GATD1: variants seen among roughly 807,000 people sequenced by gnomAD.
GATD1 encodes glutamine amidotransferase-like class 1 domain-containing protein 1.
In GATD1, 23 loss-of-function variants were observed where a neutral mutation model predicts 25.9. The observed-to-expected ratio is 0.89, with a 90% CI of 0.64 to 1.26. The LOEUF (loss-of-function observed/expected upper bound fraction) is 1.26. GATD1 is among the 50% of genes most tolerant of loss of function. The probability of loss-of-function intolerance (pLI) is 0.00; values close to 1 mark genes in which losing one functional copy is unlikely to be tolerated. For missense variants in GATD1, 347 were observed against 312.5 expected, an observed-to-expected ratio of 1.11 and a Z score of -0.83; for synonymous variants, 177 against 134.6, an observed-to-expected ratio of 1.31 and a Z score of -2.18.
At position 771,047 on chromosome 11, in the gene GATD1, T is replaced by G. The variant is rs1366233176; in HGVS notation, c.602A>C (p.Asn201Thr). The G allele has an allele frequency of 6.2e-7, 1 of 1,612,564 alleles. No individual in the cohort carries two copies. The highest frequency in any genetic ancestry group is 2.2e-5 in the East Asian group (1 of 44,876). Residue 201 changes from asparagine to threonine, a missense_variant, in exon 7 of 8, where the codon AAT (asparagine) becomes ACT (threonine). Asn to Thr is a moderately conservative substitution (Grantham distance 65). Coordinates refer to ENST00000319863, the MANE Select transcript of GATD1 (RefSeq NM_182612.4). ...CACGGCCGGGACAGTGGAGCTGGCA[T>G]TCTGGCCTGTGACCAGGTGGCGGTC... is the stretch of plus-strand genomic sequence containing the variant. ...VLDRHLVTGQ[N>T]ASSTVPAVQN...
chr11:769,273 C>T lies in GATD1; in HGVS notation c.*1624G>A, dbSNP rs1863232030. 2 of 985,286 alleles carry T rather than the reference C, an allele frequency of 2.0e-6. No individual in the cohort carries two copies. Among genetic ancestry groups the T allele is most frequent in the Non-Finnish European group, 2.4e-6 (2 of 829,954 alleles). 61.0% of individuals were successfully genotyped at this position (985,286 alleles called of 1,614,324 possible). On this transcript the variant is annotated 3_prime_UTR_variant, in exon 8 of 8. Coordinates refer to ENST00000319863, the MANE Select transcript of GATD1 (RefSeq NM_182612.4). ...TCAGGGCGGGGATGTGGCTGCAGCG[C>T]TTCCTTCTTCCACTTTTTTCCAAAT...
chr11:769,328 T>G lies in GATD1; in HGVS notation c.*1569A>C, dbSNP rs1863236431. ...CTTATTGAACGGCTTTATTTTATTA[T>G]TTTTTATTTTTGAGACGGAGTTTCA... On this transcript the variant is annotated 3_prime_UTR_variant, in exon 8 of 8. Coordinates refer to ENST00000319863, the MANE Select transcript of GATD1 (RefSeq NM_182612.4). 16 of 979,240 alleles carry G rather than the reference T, an allele frequency of 1.6e-5. No homozygotes were observed. Among genetic ancestry groups the G allele is most frequent in the Non-Finnish European group, 1.9e-5 (16 of 826,154 alleles). The allele number at this position is 979,240 out of a possible 1,614,324, so 60.7% of individuals were successfully genotyped here. A position where few individuals can be genotyped will look rare whatever the true frequency, so the allele number is the denominator to read the frequency against.
At chr11:775,929 A>AT (rs1195028512) in intron 1 of GATD1, among the ~76,000 whole-genome samples, 1 of 123,562 alleles carries the variant, frequency 8.1e-6, no homozygotes, top group Non-Finnish European at 1.7e-5. Context: ...CTCTACATTT[A>AT]TTTTAACTCT....
intron 4 of GATD1, 133 bp downstream of exon 4, chr11:773,389 A>T: frequency 1.4e-6 from 1 of 730,220 alleles, no homozygotes; most frequent in Non-Finnish European, 2.3e-6. Flanking sequence ...GCCCACAACC[A>T]CTGCAGTGGC....
intron 1 of GATD1, 24 bp downstream of exon 1, chr11:777,375 C>T: frequency 1.5e-6 from 2 of 1,292,194 alleles, no homozygotes; most frequent in Admixed American, 3.6e-5. Context: ...TCTTCGGACA[C>T]TGGCCCCGGC....
intron 4 of GATD1, 33 bp from the exon 5 acceptor site, chr11:772,554 C>A: frequency 6.3e-7 from 1 of 1,588,140 alleles, no homozygotes; most frequent in East Asian, 2.2e-5. Flanking sequence ...AGGCCCTGGA[C>A]CCCGCCACCC....
chr11:767,228 T>C lies in GATD1; in HGVS notation c.*3669A>G, dbSNP rs928973189. On this transcript the variant is annotated 3_prime_UTR_variant, in exon 8 of 8. Coordinates refer to ENST00000319863, the MANE Select transcript of GATD1 (RefSeq NM_182612.4). The stretch of plus-strand genomic sequence containing the variant: ...TGCGAACACCAGGACACCATTTGCA[T>C]GCTGCTGCATGGTTTTATTCCTCAT... 1.3e-6 allele frequency: 2 copies of C among 1,534,714 alleles called. No homozygotes were observed. The highest frequency in any genetic ancestry group is 2.0e-5 in the Admixed American group (1 of 50,750).
At chr11:777,069 C>T (rs1864062699) in intron 1 of GATD1, 1 of 211,888 alleles carries the variant, frequency 4.7e-6, no homozygotes, top group East Asian at 1.0e-4. Context: ...AGGCACGCGG[C>T]TCCCTCCGCT....
intron 3 of GATD1, 149 bp downstream of exon 3, chr11:773,859 C>A: frequency 1.4e-6 from 1 of 734,268 alleles, no homozygotes; most frequent in Non-Finnish European, 2.2e-6. Context: ...ACTCTGGGGC[C>A]CAGGATGTGG....
Position 769,285 on chromosome 11 carries a change from A to C in GATD1, c.*1612T>G, listed in dbSNP as rs1402755326. The C allele has an allele frequency of 1.0e-6, 1 of 985,176 alleles. No individual in the cohort carries two copies. The highest frequency in any genetic ancestry group is 1.2e-6 in the Non-Finnish European group (1 of 829,876). 61.0% of individuals were successfully genotyped at this position (985,176 alleles called of 1,614,324 possible). A position where few individuals can be genotyped will look rare whatever the true frequency, so the allele number is the denominator to read the frequency against. ...TGTGGCTGCAGCGCTTCCTTCTTCC[A>C]CTTTTTTCCAAATTCTCCTTATTGA... On this transcript the variant is annotated 3_prime_UTR_variant, in exon 8 of 8. Coordinates refer to ENST00000319863, the MANE Select transcript of GATD1 (RefSeq NM_182612.4).
chr11:767,657 C>T lies in GATD1; in HGVS notation c.*3240G>A, dbSNP rs986716633. ...CCCCCCAAAACCCACCTGCTTAAGT[C>T]CTCACCTGCAAGGGGATGGTATTAG... On this transcript the variant is annotated 3_prime_UTR_variant, in exon 8 of 8. Transcript: ENST00000319863. 9 of 1,261,180 alleles carry T rather than the reference C, an allele frequency of 7.1e-6. No individual in the cohort carries two copies. The highest frequency in any genetic ancestry group is 3.1e-4 in the Middle Eastern group (1 of 3,182). 78.1% of individuals were successfully genotyped at this position (1,261,180 alleles called of 1,614,324 possible). A position where few individuals can be genotyped will look rare whatever the true frequency, so the allele number is the denominator to read the frequency against.
chr11:772,372 T>C, intron 5 of GATD1, 55 bp downstream of exon 5: 1 of 1,247,722 alleles, frequency 8.0e-7, no homozygotes, highest in Non-Finnish European at 1.2e-6. Flanking sequence ...CCTCTGGCTG[T>C]GATGGGGGAG....
rs1235298513 is a variant in GATD1 at position 770,520 on chromosome 11, C to A, written c.*377G>T. 3.5e-6 allele frequency: 5 copies of A among 1,421,134 alleles called. No homozygotes were observed. In the African/African-American group the frequency reaches 7.2e-5, roughly 20 times the overall value. The allele number at this position is 1,421,134 out of a possible 1,614,324, so 88.0% of individuals were successfully genotyped here. ...GGGTGGCAGACAGGCCACAGCAGGG[C>A]AAACCCACACAGAGGACCCCCGAGC... is the stretch of plus-strand genomic sequence containing the variant. On this transcript the variant is annotated 3_prime_UTR_variant, in exon 8 of 8. Coordinates refer to ENST00000319863, the MANE Select transcript of GATD1 (RefSeq NM_182612.4).
rs1863543050 is a variant in GATD1 at position 772,438 on chromosome 11, T to C, written c.439A>G (p.Ser147Gly). Residue 147 changes from serine to glycine, a missense_variant, in exon 5 of 8, where the codon AGC becomes GGC. Physicochemically the swap from Ser to Gly is moderately conservative, Grantham distance 56. Coordinates refer to ENST00000319863, the MANE Select transcript of GATD1 (RefSeq NM_182612.4). ...CTCCAGACACTCACCCCTGTCAGGC[T>C]GTAGCTGTCGAACACCCAGGATCTG... ...EDRSWVFDSY[S>G]LTGPSVCELV... The C allele has an allele frequency of 6.2e-7, 1 of 1,613,436 alleles. No homozygotes were observed. Among genetic ancestry groups the C allele is most frequent in the Non-Finnish European group, 8.5e-7 (1 of 1,179,958 alleles).
intron 3 of GATD1, 82 bp downstream of exon 3, chr11:773,926 C>T (rs1019666427): frequency 7.7e-7 from 1 of 1,305,832 alleles, no homozygotes; most frequent in African/African-American, 1.5e-5. Flanking sequence ...AGGGAGCTCA[C>T]TAAGACCCCA....
At chr11:773,691 A>C (rs1157396180) in intron 3 of GATD1, 62 bp from the exon 4 acceptor site, 2 of 1,290,364 alleles carry the variant, frequency 1.5e-6, no homozygotes, top group Non-Finnish European at 1.1e-6. Flanking sequence ...CTGCAGGACC[A>C]GGCCCGAGTG....
rs1019866755 is a variant in GATD1 at position 769,044 on chromosome 11, T to G, written c.*1853A>C. On this transcript the variant is annotated 3_prime_UTR_variant, in exon 8 of 8. Coordinates refer to ENST00000319863, the MANE Select transcript of GATD1 (RefSeq NM_182612.4). ...TGAACCCGGGAGACAGAGGTTGCAG[T>G]GAGCCAAGATTGTGCCACTGCACTC... The G allele has an allele frequency of 6.7e-6, 5 of 751,804 alleles. No homozygotes were observed. The highest frequency in any genetic ancestry group is 1.9e-5 in the African/African-American group (1 of 52,074). The allele number at this position is 751,804 out of a possible 1,614,324, so 46.6% of individuals were successfully genotyped here.
At chr11:777,302 G>T in intron 1 of GATD1, 97 bp downstream of exon 1, 1 of 1,002,282 alleles carries the variant, frequency 1.0e-6, no homozygotes, top group Non-Finnish European at 1.3e-6. Context: ...GGCCTCCGGC[G>T]CCACGTGACG....
Position 770,676 on chromosome 11 carries a change from T to C in GATD1, c.*221A>G, listed in dbSNP as rs1590082140. The C allele has an allele frequency of 2.1e-6, 3 of 1,422,674 alleles. No individual in the cohort carries two copies. The highest frequency in any genetic ancestry group is 1.4e-5 in the African/African-American group (1 of 69,728). 88.1% of individuals were successfully genotyped at this position (1,422,674 alleles called of 1,614,324 possible). A position where few individuals can be genotyped will look rare whatever the true frequency, so the allele number is the denominator to read the frequency against. ...CACGTGGGGTCTTTTCTCTGCCTCC[T>C]ACCAGAGAACATGCAGGAGGATGGG... On this transcript the variant is annotated 3_prime_UTR_variant, in exon 8 of 8. Transcript: ENST00000319863.
Sources: gnomAD v4.1 joint callset for allele counts (sites outside exome capture counted in the v4.1 genomes callset) on GRCh38, gnomAD v4.1.1 for gene constraint, MANE v1.5 for transcripts, NCBI Gene and HGNC (gene_info 2026-07-23, HGNC 2026-07-21) for gene names.